The following KRTAP8-1 variants were observed in gnomAD, a reference collection of about 807,000 sequenced individuals.
The protein encoded by KRTAP8-1 is keratin associated protein 8-1.
Under a neutral mutation model 5.5 loss-of-function variants are expected in KRTAP8-1, and 4 were observed. The ratio of observed to expected loss-of-function variants is 0.73; its 90% CI spans 0.36 to 1.67. The LOEUF is 1.67. KRTAP8-1 is among the 40% of genes most tolerant of loss of function. KRTAP8-1 has a pLI of 0.05. For missense variants in KRTAP8-1, 79 were observed against 80.3 expected, an observed-to-expected ratio of 0.98 and a Z score of 0.06; for synonymous variants, 35 against 34.6, an observed-to-expected ratio of 1.01 and a Z score of -0.04.
chr21:30,813,123 C>T lies in KRTAP8-1; in HGVS notation c.98G>A (p.Ser33Asn), dbSNP rs1272276638. Residue 33 changes from serine to asparagine, a missense_variant, in exon 1 of 1, where the codon AGC (serine) becomes AAC (asparagine). Transcript: ENST00000329621. ...LGYSVGCGYGSTYSPVGYGFG... is the reference protein window; with the variant it reads ...LGYSVGCGYGNTYSPVGYGFG... Reference sequence around the variant, plus strand: ...GCCATAGCCCACTGGAGAGTAGGTGCTGCCATAGCCACAGCCAACGCTATA... The same window carrying T: ...GCCATAGCCCACTGGAGAGTAGGTGTTGCCATAGCCACAGCCAACGCTATA... 1 of 1,613,584 alleles carries T rather than the reference C, an allele frequency of 6.2e-7. No homozygotes were observed. The highest frequency in any genetic ancestry group is 1.7e-5 in the Admixed American group (1 of 60,004).
Position 30,813,199 on chromosome 21 carries a change from C to T in KRTAP8-1, c.22G>A (p.Gly8Arg), listed in dbSNP as rs1157284010. ...CAGTAGCATCCTGGGAAGACAGCCC[C>T]GGGGAAGTTGTCGCAGAGCATGGTG... Reference protein sequence around the residue: MLCDNFPGAVFPGCYWGS... With the variant: MLCDNFPRAVFPGCYWGS... Residue 8 changes from glycine to arginine, a missense_variant, in exon 1 of 1, where the codon GGG becomes AGG. Transcript: ENST00000329621. 14 of 1,613,772 alleles carry T rather than the reference C, an allele frequency of 8.7e-6. No homozygotes were observed. In the Middle Eastern group the frequency reaches 4.9e-4, roughly 57 times the overall value.
In KRTAP8-1 at chr21:30,812,985, C is replaced by G. The variant is rs1984882958; in HGVS notation, c.*44G>C. 3.8e-6 allele frequency: 6 copies of G among 1,580,630 alleles called. No individual in the cohort carries two copies. The highest frequency in any genetic ancestry group is 1.7e-5 in the Admixed American group (1 of 57,940). ...GGGAACCTGGAGATGTGGGGCTCAG[C>G]CTTCAAGGGAGAGAAGATGCTACAC... On this transcript the variant is annotated 3_prime_UTR_variant, in exon 1 of 1. Transcript: ENST00000329621.
rs1985543868 is a variant in KRTAP8-1 at position 30,812,856 on chromosome 21, G to A, written c.*173C>T. ...CATCAGCCAGGGGAGGCAGCTTGAG[G>A]AAGCGTCTGCTTTTTCATTTTCCTC... On this transcript the variant is annotated 3_prime_UTR_variant, in exon 1 of 1. Transcript: ENST00000329621. 1.7e-6 allele frequency: 1 copy of A among 574,908 alleles called. No homozygotes were observed. Among genetic ancestry groups the A allele is most frequent in the Non-Finnish European group, 2.8e-6 (1 of 351,774 alleles). 35.6% of individuals were successfully genotyped at this position (574,908 alleles called of 1,614,324 possible).
At position 30,812,813 on chromosome 21, in the gene KRTAP8-1, C is replaced by A; in HGVS notation, c.*216G>T. On this transcript the variant is annotated 3_prime_UTR_variant, in exon 1 of 1. Transcript: ENST00000329621. ...CATGACAAGTGGGAGGTCAAATTTC[C>A]GAAAATGTCCCAGAGAACATCAGCC... 1 of 447,590 alleles carries A rather than the reference C, an allele frequency of 2.2e-6. No homozygotes were observed. The highest frequency in any genetic ancestry group is 5.3e-5 in the South Asian group (1 of 18,710). The allele number at this position is 447,590 out of a possible 1,614,324, so 27.7% of individuals were successfully genotyped here.
chr21:30,813,165 T>C lies in KRTAP8-1; in HGVS notation c.56A>G (p.Tyr19Cys), dbSNP rs759448970. 1 of 1,614,100 alleles carries C rather than the reference T, an allele frequency of 6.2e-7. No individual in the cohort carries two copies. The highest frequency in any genetic ancestry group is 1.1e-5 in the South Asian group (1 of 91,080). The change falls in exon 1 of 1, where the codon TAT (tyrosine) becomes TGT (cysteine). Residue 19 changes from tyrosine (Y) to cysteine (C), a missense_variant. By Grantham distance (194) the Tyr-to-Cys change is radical. Coordinates refer to ENST00000329621, the MANE Select transcript of KRTAP8-1 (RefSeq NM_175857.4). Reference sequence around the variant, plus strand: ...AACGCTATATCCCAGCGGGTAGCCATAGCTGCCCCAGTAGCATCCTGGGAA... The same window carrying C: ...AACGCTATATCCCAGCGGGTAGCCACAGCTGCCCCAGTAGCATCCTGGGAA... ...AVFPGCYWGS[Y>C]GYPLGYSVGC...
Position 30,813,125 on chromosome 21 carries a change from G to A in KRTAP8-1, c.96C>T (p.Gly32=). Residue 32 remains glycine, a synonymous_variant, in exon 1 of 1, where the codon GGC becomes GGT. Coordinates refer to ENST00000329621, the MANE Select transcript of KRTAP8-1 (RefSeq NM_175857.4). ...CATAGCCCACTGGAGAGTAGGTGCT[G>A]CCATAGCCACAGCCAACGCTATATC... ...PLGYSVGCGY[G]STYSPVGYGF... 2 of 1,613,724 alleles carry A rather than the reference G, an allele frequency of 1.2e-6. No individual in the cohort carries two copies. Among genetic ancestry groups the A allele is most frequent in the Non-Finnish European group, 1.7e-6 (2 of 1,179,584 alleles).
rs1177149042 is a variant in KRTAP8-1, at chr21:30,813,213, C to T, written c.8G>A (p.Cys3Tyr). Residue 3 changes from cysteine to tyrosine, a missense_variant, in exon 1 of 1, where the codon TGC (cysteine) becomes TAC (tyrosine). Cys to Tyr is a radical substitution (Grantham distance 194). Transcript: ENST00000329621. ...GAAGACAGCCCCGGGGAAGTTGTCG[C>T]AGAGCATGGTGTCGGGAGTGGAGGG... ML[C>Y]DNFPGAVFPG... The T allele has an allele frequency of 1.9e-6, 3 of 1,613,826 alleles. No individual in the cohort carries two copies. The highest frequency in any genetic ancestry group is 2.5e-6 in the Non-Finnish European group (3 of 1,179,824).
chr21:30,813,006 T>A lies in KRTAP8-1; in HGVS notation c.*23A>T. 6.2e-7 allele frequency: 1 copy of A among 1,607,352 alleles called. No homozygotes were observed. Among genetic ancestry groups the A allele is most frequent in the Non-Finnish European group, 8.5e-7 (1 of 1,176,230 alleles). ...TCAGCCTTCAAGGGAGAGAAGATGCTACACCTCGGGGATTTCAGCCAATCA... is the reference window on the plus strand; with the variant it reads ...TCAGCCTTCAAGGGAGAGAAGATGCAACACCTCGGGGATTTCAGCCAATCA... On this transcript the variant is annotated 3_prime_UTR_variant, in exon 1 of 1. Coordinates refer to ENST00000329621, the MANE Select transcript of KRTAP8-1 (RefSeq NM_175857.4).
chr21:30,813,168 C>A lies in KRTAP8-1; in HGVS notation c.53G>T (p.Ser18Ile). ...GAVFPGCYWGSYGYPLGYSVG... is the reference protein window; with the variant it reads ...GAVFPGCYWGIYGYPLGYSVG... ...GCTATATCCCAGCGGGTAGCCATAG[C>A]TGCCCCAGTAGCATCCTGGGAAGAC... The change falls in exon 1 of 1, where the codon AGC becomes ATC. Residue 18 changes from serine (S) to isoleucine (I), a missense_variant. Coordinates refer to ENST00000329621, the MANE Select transcript of KRTAP8-1 (RefSeq NM_175857.4). 1.2e-6 allele frequency: 2 copies of A among 1,614,126 alleles called. No individual in the cohort carries two copies. Among genetic ancestry groups the A allele is most frequent in the Non-Finnish European group, 1.7e-6 (2 of 1,180,002 alleles).
Position 30,812,790 on chromosome 21 carries a change from T to A in KRTAP8-1, c.*239A>T, listed in dbSNP as rs551784387. Reference sequence around the variant, plus strand: ...TCATGGAAAATTCAAAAGTAGCTCATGACAAGTGGGAGGTCAAATTTCCGA... The same window carrying A: ...TCATGGAAAATTCAAAAGTAGCTCAAGACAAGTGGGAGGTCAAATTTCCGA... On this transcript the variant is annotated 3_prime_UTR_variant, in exon 1 of 1. Transcript: ENST00000329621. 4.7e-6 allele frequency: 2 copies of A among 423,552 alleles called. No individual in the cohort carries two copies. The highest frequency in any genetic ancestry group is 7.2e-5 in the East Asian group (2 of 27,662). The allele number at this position is 423,552 out of a possible 1,614,324, so 26.2% of individuals were successfully genotyped here.
chr21:30,813,026 C>CA lies in KRTAP8-1; in HGVS notation c.*2dup. 1.2e-6 allele frequency: 2 copies of CA among 1,611,888 alleles called. No homozygotes were observed. The highest frequency in any genetic ancestry group is 1.7e-6 in the Non-Finnish European group (2 of 1,178,744). On this transcript the variant is annotated 3_prime_UTR_variant, in exon 1 of 1. Coordinates refer to ENST00000329621, the MANE Select transcript of KRTAP8-1 (RefSeq NM_175857.4). ...GATGCTACACCTCGGGGATTTCAGC[C>CA]AATCAGTAGAGAGCAAATGGCGAGT...
In KRTAP8-1 at chr21:30,813,045, G is replaced by A. The variant is rs1261056584; in HGVS notation, c.176C>T (p.Pro59Leu). The stretch of plus-strand genomic sequence containing the variant: ...TTCAGCCAATCAGTAGAGAGCAAAT[G>A]GCGAGTATCTCCTGTAGCCGAAAGC... ...CGAFGYRRYS[P>L]FALY The change falls in exon 1 of 1, where the codon CCA (proline) becomes CTA (leucine). Residue 59 changes from proline (P) to leucine (L), a missense_variant. Transcript: ENST00000329621. 1 of 1,614,024 alleles carries A rather than the reference G, an allele frequency of 6.2e-7. No individual in the cohort carries two copies. Among genetic ancestry groups the A allele is most frequent in the South Asian group, 1.1e-5 (1 of 91,078 alleles).
Position 30,813,222 on chromosome 21 carries a change from G to T in KRTAP8-1, c.-2C>A. 4 of 1,613,680 alleles carry T rather than the reference G, an allele frequency of 2.5e-6. No individual in the cohort carries two copies. The highest frequency in any genetic ancestry group is 3.4e-6 in the Non-Finnish European group (4 of 1,179,736). On this transcript the variant is annotated 5_prime_UTR_variant, in exon 1 of 1. Transcript: ENST00000329621. ...CCCGGGGAAGTTGTCGCAGAGCATG[G>T]TGTCGGGAGTGGAGGGCTTAGGTAG...
At position 30,812,800 on chromosome 21, in the gene KRTAP8-1, G is replaced by A. The variant is rs926221909; in HGVS notation, c.*229C>T. ...TTCAAAAGTAGCTCATGACAAGTGGGAGGTCAAATTTCCGAAAATGTCCCA... is the reference window on the plus strand; with the variant it reads ...TTCAAAAGTAGCTCATGACAAGTGGAAGGTCAAATTTCCGAAAATGTCCCA... On this transcript the variant is annotated 3_prime_UTR_variant, in exon 1 of 1. Coordinates refer to ENST00000329621, the MANE Select transcript of KRTAP8-1 (RefSeq NM_175857.4). 2.3e-6 allele frequency: 1 copy of A among 436,928 alleles called. No homozygotes were observed. Among genetic ancestry groups the A allele is most frequent in the African/African-American group, 2.0e-5 (1 of 50,536 alleles). 27.1% of individuals were successfully genotyped at this position (436,928 alleles called of 1,614,324 possible).
Position 30,812,804 on chromosome 21 carries a change from T to A in KRTAP8-1, c.*225A>T. 1 of 433,200 alleles carries A rather than the reference T, an allele frequency of 2.3e-6. No individual in the cohort carries two copies. 26.8% of individuals were successfully genotyped at this position (433,200 alleles called of 1,614,324 possible). On this transcript the variant is annotated 3_prime_UTR_variant, in exon 1 of 1. Coordinates refer to ENST00000329621, the MANE Select transcript of KRTAP8-1 (RefSeq NM_175857.4). ...AAAGTAGCTCATGACAAGTGGGAGG[T>A]CAAATTTCCGAAAATGTCCCAGAGA...
chr21:30,813,146 A>C lies in KRTAP8-1; in HGVS notation c.75T>G (p.Tyr25Ter). 1 of 1,614,088 alleles carries C rather than the reference A, an allele frequency of 6.2e-7. No homozygotes were observed. Among genetic ancestry groups the C allele is most frequent in the Non-Finnish European group, 8.5e-7 (1 of 1,179,938 alleles). ...YWGSYGYPLGYSVGCGYGSTY... is the reference protein window; with the variant it reads ...YWGSYGYPLG Reference sequence around the variant, plus strand: ...TGCTGCCATAGCCACAGCCAACGCTATATCCCAGCGGGTAGCCATAGCTGC... The same window carrying C: ...TGCTGCCATAGCCACAGCCAACGCTCTATCCCAGCGGGTAGCCATAGCTGC... The change falls in exon 1 of 1, where the codon TAT becomes TAG. Residue 25 changes from tyrosine to a stop codon, truncating the protein, a stop_gained. Transcript: ENST00000329621. LOFTEE classifies it high-confidence loss of function.
chr21:30,813,105 C>T lies in KRTAP8-1; in HGVS notation c.116G>A (p.Gly39Asp), dbSNP rs752048499. 22 of 1,613,936 alleles carry T rather than the reference C, an allele frequency of 1.4e-5. 1 individual carries two copies. The South Asian group carries it at 2.2e-4, about 16-fold the overall frequency. Reference protein sequence around the residue: ...CGYGSTYSPVGYGFGYGYNGC... With the variant: ...CGYGSTYSPVDYGFGYGYNGC... ...GTTGTAGCCATAGCCGAAGCCATAG[C>T]CCACTGGAGAGTAGGTGCTGCCATA... The change falls in exon 1 of 1, where the codon GGC (glycine) becomes GAC (aspartate). Residue 39 changes from glycine (G) to aspartate (D), a missense_variant. Coordinates refer to ENST00000329621, the MANE Select transcript of KRTAP8-1 (RefSeq NM_175857.4).
Position 30,813,158 on chromosome 21 carries a change from G to A in KRTAP8-1, c.63C>T (p.Tyr21=). ...CACAGCCAACGCTATATCCCAGCGG[G>A]TAGCCATAGCTGCCCCAGTAGCATC... is the stretch of plus-strand genomic sequence containing the variant. The part of the protein sequence containing the change: ...FPGCYWGSYG[Y]PLGYSVGCGY... Residue 21 remains tyrosine (Y), a synonymous_variant, in exon 1 of 1, where the codon TAC becomes TAT. Coordinates refer to ENST00000329621, the MANE Select transcript of KRTAP8-1 (RefSeq NM_175857.4). 6.2e-7 allele frequency: 1 copy of A among 1,613,454 alleles called. No homozygotes were observed. The highest frequency in any genetic ancestry group is 8.5e-7 in the Non-Finnish European group (1 of 1,179,868).
Position 30,813,034 on chromosome 21 carries a change from A to G in KRTAP8-1, c.187T>C (p.Tyr63His), listed in dbSNP as rs74429119. 1.1e-3 allele frequency: 1,790 copies of G among 1,613,838 alleles called. 18 individuals are homozygous for G. The African/African-American group carries it at 0.02, about 18-fold the overall frequency. ...GYRRYSPFAL[Y>H] ...ACCTCGGGGATTTCAGCCAATCAGTAGAGAGCAAATGGCGAGTATCTCCTG... is the reference window on the plus strand; with the variant it reads ...ACCTCGGGGATTTCAGCCAATCAGTGGAGAGCAAATGGCGAGTATCTCCTG... Residue 63 changes from tyrosine (Y) to histidine (H), a missense_variant, in exon 1 of 1, where the codon TAC becomes CAC. Physicochemically the swap from Tyr to His is moderately conservative, Grantham distance 83 (BLOSUM62 2). Coordinates refer to ENST00000329621, the MANE Select transcript of KRTAP8-1 (RefSeq NM_175857.4).
Sources: allele counts gnomAD v4.1 joint callset, GRCh38; gene constraint gnomAD v4.1.1; transcripts MANE v1.5; gene names NCBI Gene and HGNC (gene_info 2026-07-23, HGNC 2026-07-21).